FRMD6: variants seen among roughly 807,000 people sequenced by gnomAD.
FRMD6 encodes FERM domain containing 6, also known as FERM domain-containing protein 6.
Under a neutral mutation model 73.2 loss-of-function variants are expected in FRMD6, and 37 were observed. That is an observed-to-expected ratio of 0.51 (90% CI 0.39 to 0.66). FRMD6 has a LOEUF of 0.66. Ranked by LOEUF, FRMD6 falls within the 30% of genes least tolerant of loss-of-function variation. The probability of loss-of-function intolerance (pLI) is 0.00; values close to 1 mark genes in which losing one functional copy is unlikely to be tolerated. For missense variants in FRMD6, 714 were observed against 780.5 expected (o/e 0.91, Z 1.02); for synonymous variants, 273 against 282.2 (o/e 0.97, Z 0.33).
chr14:51,707,868 A>G (rs552720510), intron 6 of FRMD6, among the ~76,000 whole-genome samples: 67 of 152,344 alleles, frequency 4.4e-4, no homozygotes, highest in African/African-American at 1.6e-3. Flanking sequence ...GGTATTCAGC[A>G]GTACAACTAA....
chr14:51,475,427 A>C, the FRMD6 span, among the ~76,000 whole-genome samples: 1 of 152,224 alleles, frequency 6.6e-6, no homozygotes, highest in East Asian at 1.9e-4. Flanking sequence ...CACCCATTCC[A>C]AATTGATAAT....
chr14:51,628,915 T>G (rs1891229726), intron 2 of FRMD6, among the ~76,000 whole-genome samples: 1 of 144,602 alleles, frequency 6.9e-6, no homozygotes, highest in South Asian at 2.4e-4. Context: ...CTCGCTCCGT[T>G]TTCCAGGCTG....
chr14:51,409,226 G>A, the FRMD6 span, among the ~76,000 whole-genome samples: 25 of 151,854 alleles, frequency 1.6e-4, no homozygotes, highest in African/African-American at 5.6e-4. Flanking sequence ...CCAATCCTTC[G>A]CGATAGGAAA....
intron 12 of FRMD6, 43 bp downstream of exon 12, chr14:51,722,123 T>C (rs1897658912): frequency 6.2e-7 from 1 of 1,608,480 alleles, no homozygotes; most frequent in African/African-American, 1.3e-5. Flanking sequence ...TAGCAGGTTA[T>C]CCAGGACTGA....
At chr14:51,602,219 G>T (rs886622834) in intron 2 of FRMD6, among the ~76,000 whole-genome samples, 1 of 152,208 alleles carries the variant, frequency 6.6e-6, no homozygotes, top group African/African-American at 2.4e-5. Flanking sequence ...CTCTGGGAGA[G>T]GGTGGCCAGC....
chr14:51,594,755 AC>A (rs1186707717), intron 2 of FRMD6, among the ~76,000 whole-genome samples: 1 of 151,578 alleles, frequency 6.6e-6, no homozygotes, highest in Non-Finnish European at 1.5e-5. Context: ...GAGCCACCAC[AC>A]CCGGCCATGA....
At chr14:51,470,929 A>C in the FRMD6 span, among the ~76,000 whole-genome samples, 3 of 152,342 alleles carry the variant, frequency 2.0e-5, no homozygotes, top group East Asian at 5.8e-4. Flanking sequence ...ATTTTTAAAA[A>C]TGTATTATGT....
intron 1 of FRMD6, among the ~76,000 whole-genome samples, chr14:51,672,319 G>T (rs1438479220): frequency 6.6e-6 from 1 of 152,162 alleles, no homozygotes; most frequent in Non-Finnish European, 1.5e-5. Context: ...AGCTTCTCTG[G>T]AGAGTTTTTC....
chr14:51,419,827 C>CA, the FRMD6 span, among the ~76,000 whole-genome samples: 1 of 152,186 alleles, frequency 6.6e-6, no homozygotes, highest in African/African-American at 2.4e-5. Flanking sequence ...TAGGTGTACT[C>CA]ATGTGACTTC....
chr14:51,624,896 T>G (rs1891060702), intron 2 of FRMD6, among the ~76,000 whole-genome samples: 1 of 152,128 alleles, frequency 6.6e-6, no homozygotes, highest in African/African-American at 2.4e-5. Context: ...CTAAAATAAC[T>G]GTTCACCCCA....
chr14:51,710,228 G>C (rs1896868974), intron 7 of FRMD6, among the ~76,000 whole-genome samples: 1 of 152,066 alleles, frequency 6.6e-6, no homozygotes, highest in South Asian at 2.1e-4. Context: ...ATAATGAAGT[G>C]GGGGAAAAGA....
intron 1 of FRMD6, among the ~76,000 whole-genome samples, chr14:51,676,924 A>G (rs970416635): frequency 2.6e-5 from 4 of 152,066 alleles, no homozygotes; most frequent in Admixed American, 1.3e-4. Context: ...AGTTTTGCTT[A>G]TTTTTGAACT....
chr14:51,482,639 A>G, the FRMD6 span, among the ~76,000 whole-genome samples: 4 of 151,918 alleles, frequency 2.6e-5, no homozygotes, highest in Non-Finnish European at 5.9e-5. Context: ...TCTAGGAAAG[A>G]GAGAGGTGCA....
chr14:51,716,407 T>C (rs1056936421), intron 10 of FRMD6, among the ~76,000 whole-genome samples: 2 of 152,228 alleles, frequency 1.3e-5, no homozygotes, highest in African/African-American at 4.8e-5. Context: ...TTTGATTAGA[T>C]TGGATTTGGT....
chr14:51,516,779 GAACA>G (rs952694000), intron 1 of FRMD6, among the ~76,000 whole-genome samples: 8 of 152,198 alleles, frequency 5.3e-5, no homozygotes, highest in Middle Eastern at 6.8e-3. Context: ...ATTTAAAAGG[GAACA>G]AACAAAGTAA....
chr14:51,624,244 C>T (rs1414625876), intron 2 of FRMD6, among the ~76,000 whole-genome samples: 2 of 152,108 alleles, frequency 1.3e-5, no homozygotes, highest in Non-Finnish European at 2.9e-5. Flanking sequence ...AATGAACCCC[C>T]TTTACAAATG....
At chr14:51,556,427 A>C in intron 1 of FRMD6, among the ~76,000 whole-genome samples, 1 of 152,246 alleles carries the variant, frequency 6.6e-6, no homozygotes, top group African/African-American at 2.4e-5. Context: ...CATTGTGAGT[A>C]GGTGAGAGCC....
rs914389291 is a variant in FRMD6, at chr14:51,728,231, T to C, written c.*202T>C. On this transcript the variant is annotated 3_prime_UTR_variant, in exon 14 of 14. Transcript: ENST00000344768. ...ACAGAAGTAAAAGAACTACAGAAAA[T>C]GTACAGCAAGACAAGTGCCCGGAAG... 4 of 558,498 alleles carry C rather than the reference T, an allele frequency of 7.2e-6. No homozygotes were observed. In the East Asian group the frequency reaches 1.2e-4, roughly 16 times the overall value. 34.6% of individuals were successfully genotyped at this position (558,498 alleles called of 1,614,324 possible). A position where few individuals can be genotyped will look rare whatever the true frequency, so the allele number is the denominator to read the frequency against.
At chr14:51,663,942 A>T (rs760057614) in intron 1 of FRMD6, among the ~76,000 whole-genome samples, 2 of 152,192 alleles carry the variant, frequency 1.3e-5, no homozygotes, top group African/African-American at 4.8e-5. Context: ...TAATCCACTC[A>T]TAAGGACTTG....
Sources: allele counts gnomAD v4.1 joint callset (sites outside exome capture counted in the v4.1 genomes callset), GRCh38; gene constraint gnomAD v4.1.1; transcripts MANE v1.5; gene names NCBI Gene and HGNC (gene_info 2026-07-23, HGNC 2026-07-21).